Variants in FOCAD observed in about 807,000 individuals in gnomAD.
FOCAD encodes KIAA1797.
FOCAD carries 198 observed loss-of-function variants against 225.6 expected under a neutral mutation model. The ratio of observed to expected loss-of-function variants is 0.88; its 90% CI spans 0.78 to 0.99. The LOEUF is 0.99. Among genes scored for constraint, FOCAD ranks in the 50% least tolerant of loss-of-function variants. FOCAD has a pLI of 0.00. For synonymous variants in FOCAD, 897 were observed against 755.0 expected (o/e 1.19, Z -3.08); for missense variants, 2,713 against 2,123.6 (o/e 1.28, Z -5.46).
chr9:20,737,668 T>A (rs940662906), intron 4 of FOCAD, among the ~76,000 whole-genome samples: 1 of 152,228 alleles, frequency 6.6e-6, no homozygotes, highest in African/African-American at 2.4e-5. Context: ...TATGATAGGC[T>A]TTAGTCAGAT....
rs115370536 is a variant in FOCAD at position 20,949,056 on chromosome 9, C to G, written c.3876+128C>G. The G allele has an allele frequency of 1.4e-3, 1,054 of 731,416 alleles. 9 individuals carry two copies. The African/African-American group carries it at 0.017, about 12-fold the overall frequency. The allele number at this position is 731,416 out of a possible 1,614,324, so 45.3% of individuals were successfully genotyped here. ...TGCTCATGGTAATAGTTACACCAGACTTTTTAATGCCTTGCTGTATGAATA... is the reference window on the plus strand; with the variant it reads ...TGCTCATGGTAATAGTTACACCAGAGTTTTTAATGCCTTGCTGTATGAATA... On this transcript the variant is annotated intron_variant, in intron 32 of 43. Transcript: ENST00000338382.
chr9:20,982,495 A>G (rs1274826368), intron 39 of FOCAD, 49 bp downstream of exon 39: 6 of 1,474,888 alleles, frequency 4.1e-6, no homozygotes, highest in Admixed American at 3.5e-5. Context: ...GCCAGAAATT[A>G]CGATTGAATA....
In FOCAD at chr9:20,929,584, A is replaced by G. The variant is rs1261491694; in HGVS notation, c.3305A>G (p.Glu1102Gly). The G allele has an allele frequency of 1.2e-6, 2 of 1,613,508 alleles. No individual in the cohort carries two copies. The highest frequency in any genetic ancestry group is 3.3e-5 in the Admixed American group (2 of 59,996). ...ALGMFLSRLC[E>G]EKLSDISGQE... ...GGGATGTTTCTCTCTCGCTTGTGTG[A>G]AGAGAAACTCAGGTACAGTTTATTA... Residue 1102 changes from glutamate to glycine, a missense_variant, in exon 27 of 44, where the codon GAA becomes GGA. By Grantham distance (98) the Glu-to-Gly change is moderately conservative (BLOSUM62 -2). Coordinates refer to ENST00000338382, the MANE Select transcript of FOCAD (RefSeq NM_001375567.1).
chr9:20,907,172 G>T lies in FOCAD; in HGVS notation c.2648G>T (p.Trp883Leu). Residue 883 changes from tryptophan (W) to leucine (L), a missense_variant, in exon 22 of 44, where the codon TGG (tryptophan) becomes TTG (leucine). Trp to Leu is a moderately conservative substitution (Grantham distance 61). Transcript: ENST00000338382. ...VHEVHIQLSE[W>L]HRAIFLPQAW... The stretch of plus-strand genomic sequence containing the variant: ...TAGGTTCATATCCAGCTTTCAGAGT[G>T]GCACCGTGCAATTTTTCTTCCACAG... 1 of 1,613,016 alleles carries T rather than the reference G, an allele frequency of 6.2e-7. No homozygotes were observed. Among genetic ancestry groups the T allele is most frequent in the South Asian group, 1.1e-5 (1 of 91,040 alleles).
At chr9:20,748,885 C>T (rs761334008) in intron 5 of FOCAD, among the ~76,000 whole-genome samples, 1 of 152,084 alleles carries the variant, frequency 6.6e-6, no homozygotes, top group African/African-American at 2.4e-5. Context: ...CAGTAGCCAC[C>T]AGAAAACACT....
chr9:20,720,581 GA>G (rs753724243), intron 4 of FOCAD, 47 bp downstream of exon 4: 11 of 1,581,982 alleles, frequency 7.0e-6, no homozygotes, highest in Admixed American at 1.8e-5. Flanking sequence ...AAGTTTTTAG[GA>G]AAAAAATTCA....
At chr9:20,727,742 T>G (rs1173828343) in intron 4 of FOCAD, among the ~76,000 whole-genome samples, 3 of 152,194 alleles carry the variant, frequency 2.0e-5, no homozygotes, top group African/African-American at 7.2e-5. Context: ...ACTGATGAAT[T>G]ATCTTGTTCA....
chr9:20,897,960 G>A (rs1033762745), intron 21 of FOCAD, among the ~76,000 whole-genome samples: 1 of 151,750 alleles, frequency 6.6e-6, no homozygotes, highest in Non-Finnish European at 1.5e-5. Context: ...TTGCTTGTCT[G>A]AGCAAGGCTT....
At chr9:20,937,368 T>TA (rs1418652709) in intron 28 of FOCAD, among the ~76,000 whole-genome samples, 2 of 152,128 alleles carry the variant, frequency 1.3e-5, no homozygotes, top group African/African-American at 2.4e-5. Context: ...ATGGTACTGG[T>TA]ACCAAAACAG....
At chr9:20,879,150 C>CT (rs1277924473) in intron 19 of FOCAD, among the ~76,000 whole-genome samples, 1 of 152,180 alleles carries the variant, frequency 6.6e-6, no homozygotes, top group African/African-American at 2.4e-5. Context: ...CAAGTTGACA[C>CT]TTAAGTTCAC....
chr9:20,886,228 C>T (rs1182090662), intron 21 of FOCAD, among the ~76,000 whole-genome samples: 5 of 151,208 alleles, frequency 3.3e-5, no homozygotes, highest in South Asian at 2.1e-4. Context: ...TTTTTTTTGC[C>T]TAATATAGTG....
In FOCAD at chr9:20,953,066, G is replaced by T; in HGVS notation, c.4132+1G>T. ...TTCTTCATTACAGGAGGAAAAAAAG[G>T]CAAGTGAGCACATTTCTTGAATTTT... On this transcript the variant is annotated splice_donor_variant, in intron 35 of 43. Transcript: ENST00000338382. LOFTEE classifies it high-confidence loss of function. 6.2e-7 allele frequency: 1 copy of T among 1,610,584 alleles called. No homozygotes were observed. The highest frequency in any genetic ancestry group is 8.5e-7 in the Non-Finnish European group (1 of 1,177,888).
intron 5 of FOCAD, among the ~76,000 whole-genome samples, chr9:20,752,962 T>C (rs1221106675): frequency 1.3e-5 from 2 of 149,924 alleles, no homozygotes; most frequent in East Asian, 3.9e-4. Context: ...TCTCTGTTTG[T>C]CTGTTGTTGG....
At chr9:20,920,172 CAGA>C (rs1834267564) in intron 24 of FOCAD, among the ~76,000 whole-genome samples, 1 of 152,080 alleles carries the variant, frequency 6.6e-6, no homozygotes, top group Non-Finnish European at 1.5e-5. Context: ...AGACACTTCT[CAGA>C]AGAAGACATT....
chr9:20,842,800 A>C (rs967771563), intron 15 of FOCAD, among the ~76,000 whole-genome samples: 1 of 151,888 alleles, frequency 6.6e-6, no homozygotes, highest in African/African-American at 2.4e-5. Flanking sequence ...TCTACCATAC[A>C]TCCTTCCTGT....
intron 4 of FOCAD, among the ~76,000 whole-genome samples, chr9:20,723,100 A>T (rs1825913900): frequency 6.6e-6 from 1 of 152,168 alleles, no homozygotes; most frequent in South Asian, 2.1e-4. Flanking sequence ...CCCTATTGTA[A>T]ATTGCAAAGT....
At chr9:20,968,734 C>T (rs1045243148) in intron 35 of FOCAD, among the ~76,000 whole-genome samples, 8 of 152,016 alleles carry the variant, frequency 5.3e-5, no homozygotes, top group South Asian at 4.2e-4. Flanking sequence ...CCACCTCGCC[C>T]GGCCTGTTTT....
In FOCAD at chr9:20,758,107, T is replaced by G; in HGVS notation, c.410T>G (p.Leu137Trp). The G allele has an allele frequency of 1.2e-6, 2 of 1,608,808 alleles. No individual in the cohort carries two copies. Among genetic ancestry groups the G allele is most frequent in the Non-Finnish European group, 1.7e-6 (2 of 1,178,218 alleles). The change falls in exon 6 of 44, where the codon TTG becomes TGG. Residue 137 changes from leucine (L) to tryptophan (W), a missense_variant. Coordinates refer to ENST00000338382, the MANE Select transcript of FOCAD (RefSeq NM_001375567.1). ...IYTIRNHPHP[L>W]ITVLEHRPDC... ...TCTTTCAGAAATCATCCTCATCCTTTGATAACTGTGCTTGAACACAGACCT... is the reference window on the plus strand; with the variant it reads ...TCTTTCAGAAATCATCCTCATCCTTGGATAACTGTGCTTGAACACAGACCT...
chr9:20,866,888 C>CTTTTTTTTTTTTTTTTTTTTTTTT lies in FOCAD; in HGVS notation c.2107-35_2107-12dup, dbSNP rs10629839. The CTTTTTTTTTTTTTTTTTTTTTTTT allele has an allele frequency of 2.7e-4, 94 of 342,134 alleles. 20 individuals are homozygous for CTTTTTTTTTTTTTTTTTTTTTTTT. The highest frequency in any genetic ancestry group is 4.8e-4 in the South Asian group (13 of 26,906). 21.2% of individuals were successfully genotyped at this position (342,134 alleles called of 1,614,324 possible). ...CATGTTGTGTTTTTTTGTTTGCTTG[C>CTTTTTTTTTTTTTTTTTTTTTTTT]TTTTTTTTTTTTTTTTTTTTTTTTT... On this transcript the variant is annotated intron_variant, in intron 17 of 43. Coordinates refer to ENST00000338382, the MANE Select transcript of FOCAD (RefSeq NM_001375567.1).
Sources: allele counts gnomAD v4.1 joint callset (sites outside exome capture counted in the v4.1 genomes callset), GRCh38; gene constraint gnomAD v4.1.1; transcripts MANE v1.5; gene names NCBI Gene and HGNC (gene_info 2026-07-23, HGNC 2026-07-21).